SHB: variants seen among roughly 807,000 people sequenced by gnomAD.
SHB encodes the protein SH2 domain-containing adapter protein B.
A neutral mutation model predicts 52.3 loss-of-function variants in SHB; 20 were observed. That is an observed-to-expected ratio of 0.38 (90% confidence interval 0.27 to 0.56). The LOEUF (loss-of-function observed/expected upper bound fraction) is 0.56, where lower values mean the gene tolerates loss of function less well. SHB is among the 20% of genes least tolerant of loss of function. The probability of loss-of-function intolerance (pLI) is 0.71; values close to 1 mark genes in which losing one functional copy is unlikely to be tolerated. For synonymous variants in SHB, 397 were observed against 316.5 expected (o/e 1.25, Z -2.70); for missense variants, 825 against 723.3 (o/e 1.14, Z -1.61).
Position 37,918,977 on chromosome 9 carries a change from A to T in SHB, c.*844T>A, listed in dbSNP as rs985101018. Among the ~76,000 whole-genome samples, 1 of 152,116 alleles carries T rather than the reference A, an allele frequency of 6.6e-6. No individual in the cohort carries two copies. Among genetic ancestry groups the T allele is most frequent in the Non-Finnish European group, 1.5e-5 (1 of 68,002 alleles). ...CAGAGCAGACGGCTCTTGTGTCCAG[A>T]GCTGCTGAGGGCTGGAGCTGAGGCC... On this transcript the variant is annotated 3_prime_UTR_variant, in exon 6 of 6. Coordinates refer to ENST00000377707, the MANE Select transcript of SHB (RefSeq NM_003028.3).
At chr9:38,039,324 C>A (rs557341339) in intron 1 of SHB, among the ~76,000 whole-genome samples, 1 of 152,224 alleles carries the variant, frequency 6.6e-6, no homozygotes, top group Non-Finnish European at 1.5e-5. Flanking sequence ...CAAAAAAGAG[C>A]ATTTTGAATG....
intron 4 of SHB, among the ~76,000 whole-genome samples, chr9:37,955,105 G>A (rs997012089): frequency 6.6e-6 from 1 of 152,184 alleles, no homozygotes; most frequent in Non-Finnish European, 1.5e-5. Context: ...GCAAGAACAC[G>A]ACTGTAGCTA....
chr9:37,927,523 C>T (rs962389934), intron 5 of SHB, among the ~76,000 whole-genome samples: 2 of 152,192 alleles, frequency 1.3e-5, no homozygotes, highest in African/African-American at 4.8e-5. Flanking sequence ...GACAAAAAGC[C>T]ATCTCTAGGC....
At chr9:38,009,120 C>A (rs1587241794) in intron 2 of SHB, among the ~76,000 whole-genome samples, 1 of 152,224 alleles carries the variant, frequency 6.6e-6, no homozygotes, top group Admixed American at 6.5e-5. Flanking sequence ...CTCACAGGCT[C>A]CTTTTTCTGA....
chr9:37,976,060 G>A (rs1820649519), intron 2 of SHB, among the ~76,000 whole-genome samples: 1 of 152,042 alleles, frequency 6.6e-6, no homozygotes, highest in Admixed American at 6.6e-5. Context: ...TTTTGAGATG[G>A]AGTCTTACTC....
At chr9:38,051,697 C>G (rs1821752457) in intron 1 of SHB, among the ~76,000 whole-genome samples, 1 of 152,126 alleles carries the variant, frequency 6.6e-6, no homozygotes, top group Non-Finnish European at 1.5e-5. Context: ...CCACAGAAGC[C>G]CGGCAAGCAG....
intron 2 of SHB, among the ~76,000 whole-genome samples, chr9:37,981,268 G>C (rs1244683554): frequency 6.6e-6 from 1 of 152,180 alleles, no homozygotes; most frequent in Non-Finnish European, 1.5e-5. Context: ...AGATCTTCTG[G>C]ATAACTTGCT....
intron 5 of SHB, among the ~76,000 whole-genome samples, chr9:37,923,772 T>TG (rs1299324839): frequency 6.6e-6 from 1 of 152,128 alleles, no homozygotes; most frequent in African/African-American, 2.4e-5. Context: ...GCAAGCAGCC[T>TG]GGGGGTCACC....
chr9:37,935,424 C>T (rs768046599), intron 5 of SHB, among the ~76,000 whole-genome samples: 1 of 152,164 alleles, frequency 6.6e-6, no homozygotes, highest in Non-Finnish European at 1.5e-5. Context: ...GGCTTGCTCT[C>T]TGGCAGACTG....
At chr9:37,982,449 C>T (rs192708863) in intron 2 of SHB, among the ~76,000 whole-genome samples, 98 of 151,962 alleles carry the variant, frequency 6.4e-4, no homozygotes, top group African/African-American at 2.2e-3. Context: ...GCTGAGATTG[C>T]GCCACTTTAC....
At chr9:37,959,580 T>G (rs935443434) in intron 3 of SHB, among the ~76,000 whole-genome samples, 2 of 152,162 alleles carry the variant, frequency 1.3e-5, no homozygotes, top group Admixed American at 6.5e-5. Flanking sequence ...TCTGCCAATA[T>G]AAATCTCTAC....
In SHB at chr9:37,955,970, C is replaced by T; in HGVS notation, c.1139G>A (p.Gly380Asp). 1.9e-6 allele frequency: 3 copies of T among 1,610,020 alleles called. No homozygotes were observed. The highest frequency in any genetic ancestry group is 2.5e-6 in the Non-Finnish European group (3 of 1,178,588). The stretch of plus-strand genomic sequence containing the variant: ...GCTCCCATGTTTGATAGGCTTAAAG[C>T]CCCCTCCAGGGGCACGAAGCTGGCG... Reference protein sequence around the residue: ...RRRQLRAPGGGFKPIKHGSPE... With the variant: ...RRRQLRAPGGDFKPIKHGSPE... The change falls in exon 4 of 6, where the codon GGC (glycine) becomes GAC (aspartate). Residue 380 changes from glycine to aspartate, a missense_variant. By Grantham distance (94) the Gly-to-Asp change is moderately conservative. Transcript: ENST00000377707.
intron 1 of SHB, among the ~76,000 whole-genome samples, chr9:38,030,300 C>T (rs979989139): frequency 1.3e-5 from 2 of 152,202 alleles, no homozygotes; most frequent in Non-Finnish European, 2.9e-5. Flanking sequence ...CCCCAGAGCG[C>T]ACACTCTGTA....
At chr9:38,066,801 T>C (rs976372874) in intron 1 of SHB, among the ~76,000 whole-genome samples, 2 of 152,118 alleles carry the variant, frequency 1.3e-5, no homozygotes, top group African/African-American at 4.8e-5. Context: ...GGTAAGAGCC[T>C]GTCTCCCTCC....
intron 1 of SHB, among the ~76,000 whole-genome samples, chr9:38,045,235 A>T (rs1182715380): frequency 6.6e-6 from 1 of 152,200 alleles, no homozygotes; most frequent in East Asian, 1.9e-4. Flanking sequence ...AAGATAAAGG[A>T]CAAATCAAAA....
chr9:38,068,008 G>T lies in SHB; in HGVS notation c.638C>A (p.Thr213Lys), dbSNP rs1309299626. The change falls in exon 1 of 6, where the codon ACG (threonine) becomes AAG (lysine). Residue 213 changes from threonine (T) to lysine (K), a missense_variant. Coordinates refer to ENST00000377707, the MANE Select transcript of SHB (RefSeq NM_003028.3). ...GAGCAGTTTCTTGCCTCCGCAGGCC[G>T]TCGGGCTCCAGGTGCGGCCGCCCGC... ...ACAGGRTWSPTACGGKKLLNK... is the reference protein window; with the variant it reads ...ACAGGRTWSPKACGGKKLLNK... The T allele has an allele frequency of 6.6e-7, 1 of 1,525,662 alleles. No individual in the cohort carries two copies. Among genetic ancestry groups the T allele is most frequent in the Non-Finnish European group, 8.7e-7 (1 of 1,145,048 alleles). The allele number at this position is 1,525,662 out of a possible 1,614,324, so 94.5% of individuals were successfully genotyped here.
At chr9:37,926,828 G>A (rs779565808) in intron 5 of SHB, among the ~76,000 whole-genome samples, 3 of 152,258 alleles carry the variant, frequency 2.0e-5, no homozygotes, top group Non-Finnish European at 2.9e-5. Flanking sequence ...CCAACACTGT[G>A]AGAGATGTGG....
chr9:37,999,489 G>A (rs905957748), intron 2 of SHB, among the ~76,000 whole-genome samples: 2 of 152,168 alleles, frequency 1.3e-5, no homozygotes, highest in South Asian at 2.1e-4. Context: ...CTACAATTAG[G>A]CCCAATTCGA....
chr9:37,932,369 G>GA (rs1235326467), intron 5 of SHB, among the ~76,000 whole-genome samples: 1 of 151,346 alleles, frequency 6.6e-6, no homozygotes, highest in Non-Finnish European at 1.5e-5. Flanking sequence ...TAGAGATGGA[G>GA]AAAAAAACAG....
Sources: gnomAD v4.1 joint callset for allele counts (sites outside exome capture counted in the v4.1 genomes callset) on GRCh38, gnomAD v4.1.1 for gene constraint, MANE v1.5 for transcripts, NCBI Gene and HGNC (gene_info 2026-07-23, HGNC 2026-07-21) for gene names.